Variants in LRRC4C observed in about 807,000 individuals in gnomAD.
LRRC4C encodes the protein leucine rich repeat containing 4C, also known as leucine-rich repeat-containing protein 4C.
A neutral mutation model predicts 33.6 loss-of-function variants in LRRC4C; 5 were observed. The ratio of observed to expected loss-of-function variants is 0.15; its 90% CI spans 0.08 to 0.31. The LOEUF is 0.31. Among genes scored for constraint, LRRC4C ranks in the 10% least tolerant of loss-of-function variants. The pLI is 1.00. For missense variants in LRRC4C, 560 were observed against 796.7 expected (o/e 0.70, Z 3.58); for synonymous variants, 329 against 302.0 (o/e 1.09, Z -0.93).
At chr11:41,306,976 C>T (rs1253614169) in intron 1 of LRRC4C, among the ~76,000 whole-genome samples, 1 of 152,162 alleles carries the variant, frequency 6.6e-6, no homozygotes, top group African/African-American at 2.4e-5. Flanking sequence ...GCATCCCAGA[C>T]CATCAAATCT....
chr11:41,231,762 A>AAT (rs35999521), intron 1 of LRRC4C, among the ~76,000 whole-genome samples: 3,077 of 151,828 alleles, frequency 0.02, 46 homozygotes, highest in Non-Finnish European at 0.032. Flanking sequence ...CTTAAAGTAT[A>AAT]ATATATATAT....
chr11:40,377,153 G>A (rs752338937), intron 3 of LRRC4C, among the ~76,000 whole-genome samples: 5 of 152,048 alleles, frequency 3.3e-5, no homozygotes, highest in Non-Finnish European at 7.4e-5. Flanking sequence ...TTTGGGGCTC[G>A]GGTTGATTAT....
intron 3 of LRRC4C, among the ~76,000 whole-genome samples, chr11:40,470,601 C>A (rs185913409): frequency 6.6e-6 from 1 of 152,112 alleles, no homozygotes; most frequent in Non-Finnish European, 1.5e-5. Context: ...GTTAAAGGAG[C>A]ATGTTCTAAC....
intron 1 of LRRC4C, among the ~76,000 whole-genome samples, chr11:41,181,935 T>C (rs1370065459): frequency 6.6e-6 from 1 of 152,194 alleles, no homozygotes; most frequent in African/African-American, 2.4e-5. Flanking sequence ...TGTTTTCCCT[T>C]TGAGCTATTA....
intron 1 of LRRC4C, among the ~76,000 whole-genome samples, chr11:41,038,206 C>A (rs1857216922): frequency 6.6e-6 from 1 of 152,234 alleles, no homozygotes; most frequent in Admixed American, 6.5e-5. Context: ...CAAATATAGT[C>A]TCTGAGAACA....
chr11:40,596,923 G>T (rs1959387524), intron 3 of LRRC4C, among the ~76,000 whole-genome samples: 3 of 152,028 alleles, frequency 2.0e-5, no homozygotes, highest in Non-Finnish European at 4.4e-5. Context: ...ATATACCCAT[G>T]GAATATTATT....
chr11:40,399,065 T>A (rs1202373407), intron 3 of LRRC4C, among the ~76,000 whole-genome samples: 1 of 152,104 alleles, frequency 6.6e-6, no homozygotes, highest in Non-Finnish European at 1.5e-5. Flanking sequence ...TGAATTAGAA[T>A]CATACACTTA....
intron 1 of LRRC4C, among the ~76,000 whole-genome samples, chr11:41,118,475 A>G (rs1222329343): frequency 6.6e-6 from 1 of 152,232 alleles, no homozygotes; most frequent in Non-Finnish European, 1.5e-5. Flanking sequence ...CCAAAAGCTT[A>G]GAACAAAATT....
chr11:41,195,232 C>T (rs1480594290), intron 1 of LRRC4C, among the ~76,000 whole-genome samples: 1 of 151,982 alleles, frequency 6.6e-6, no homozygotes, highest in South Asian at 2.1e-4. Context: ...TTGTAAATTG[C>T]CCATTAAAGT....
intron 3 of LRRC4C, among the ~76,000 whole-genome samples, chr11:40,636,124 G>T (rs1963942009): frequency 2.0e-5 from 3 of 152,148 alleles, no homozygotes; most frequent in Non-Finnish European, 4.4e-5. Flanking sequence ...AGGCGGGCCT[G>T]CCCCAGGTGA....
chr11:40,616,183 AG>A, intron 3 of LRRC4C, among the ~76,000 whole-genome samples: 1 of 152,162 alleles, frequency 6.6e-6, no homozygotes, highest in South Asian at 2.1e-4. Context: ...TGGCCATCAA[AG>A]AAATGCAAAT....
At chr11:40,959,538 T>C (rs1959106471) in intron 1 of LRRC4C, among the ~76,000 whole-genome samples, 1 of 151,768 alleles carries the variant, frequency 6.6e-6, no homozygotes, top group African/African-American at 2.4e-5. Context: ...TATATTAATT[T>C]TGCATTAAGT....
chr11:40,457,411 G>A (rs1952190000), intron 3 of LRRC4C, among the ~76,000 whole-genome samples: 2 of 152,104 alleles, frequency 1.3e-5, no homozygotes, highest in Non-Finnish European at 2.9e-5. Context: ...ACTCAACTAA[G>A]TATTGCTTAC....
rs1810957782 is a variant in LRRC4C, at chr11:41,292,058, T to C, written c.-496+167373A>G. ...GTGGAAGATTCTATTTGATATAAAA[T>C]ATTAGCTGCTCCTGCATGGAACTGA... is the stretch of plus-strand genomic sequence containing the variant. On this transcript the variant is annotated intron_variant, in intron 1 of 6. Coordinates refer to ENST00000528697, the MANE Select transcript of LRRC4C (RefSeq NM_001258419.2). Among the ~76,000 whole-genome samples, 4 of 152,280 alleles carry C rather than the reference T, an allele frequency of 2.6e-5. No homozygotes were observed. In the South Asian group the frequency reaches 8.3e-4, roughly 32 times the overall value.
intron 1 of LRRC4C, among the ~76,000 whole-genome samples, chr11:40,972,744 G>C (rs1350205034): frequency 6.6e-6 from 1 of 152,086 alleles, no homozygotes; most frequent in Non-Finnish European, 1.5e-5. Context: ...AACAACATGG[G>C]GGGACTGCCC....
At chr11:41,277,394 CTAAGTA>C (rs1303178945) in intron 1 of LRRC4C, among the ~76,000 whole-genome samples, 1 of 152,134 alleles carries the variant, frequency 6.6e-6, no homozygotes, top group Non-Finnish European at 1.5e-5. Context: ...GAAGAAGTAT[CTAAGTA>C]TATTATTTCT....
At chr11:41,375,934 G>A (rs539486866) in intron 1 of LRRC4C, among the ~76,000 whole-genome samples, 1 of 152,036 alleles carries the variant, frequency 6.6e-6, no homozygotes, top group Non-Finnish European at 1.5e-5. Flanking sequence ...ACTTGCAAGA[G>A]ATGATGATGG....
intron 1 of LRRC4C, among the ~76,000 whole-genome samples, chr11:41,142,181 T>C (rs186106216): frequency 6.6e-6 from 1 of 152,114 alleles, no homozygotes; most frequent in Admixed American, 6.5e-5. Flanking sequence ...AATTAATAGG[T>C]TTTCAGCTGT....
intron 2 of LRRC4C, among the ~76,000 whole-genome samples, chr11:40,735,275 AG>A (rs1947799972): frequency 6.6e-6 from 1 of 151,964 alleles, no homozygotes; most frequent in East Asian, 1.9e-4. Flanking sequence ...CTCGTCATTT[AG>A]CATTAGGTAT....
Sources: gnomAD v4.1 joint callset for allele counts (sites outside exome capture counted in the v4.1 genomes callset) on GRCh38, gnomAD v4.1.1 for gene constraint, MANE v1.5 for transcripts, NCBI Gene and HGNC (gene_info 2026-07-23, HGNC 2026-07-21) for gene names.